Variants in STAB1 observed in about 807,000 individuals in gnomAD.
The protein encoded by STAB1 is stabilin 1.
STAB1 carries 250 observed loss-of-function variants against 332.4 expected under a neutral mutation model. That is an observed-to-expected ratio of 0.75 (90% CI 0.68 to 0.84). STAB1 has a LOEUF of 0.84. Ranked by LOEUF, STAB1 falls within the 40% of genes least tolerant of loss-of-function variation. The probability of loss-of-function intolerance (pLI) is 0.00; values close to 1 mark genes in which losing one functional copy is unlikely to be tolerated. For missense variants in STAB1, 3,249 were observed against 3,489.7 expected, an observed-to-expected ratio of 0.93 and a Z score of 1.74; for synonymous variants, 1,475 against 1,390.4, an observed-to-expected ratio of 1.06 and a Z score of -1.35.
At chr3:52,513,371 G>T (rs769253697) in intron 30 of STAB1, 130 bp downstream of exon 30, 1 of 897,906 alleles carries the variant, frequency 1.1e-6, no homozygotes, top group Non-Finnish European at 1.7e-6. Context: ...GCCCAGAGCC[G>T]GGCTCAAAGG....
At chr3:52,508,561 C>A (rs1022214897) in intron 21 of STAB1, 4 of 605,442 alleles carry the variant, frequency 6.6e-6, no homozygotes, top group African/African-American at 1.8e-5. Flanking sequence ...ATGTCTCATG[C>A]CTGTAATCCC....
At position 52,512,860 on chromosome 3, in the gene STAB1, A is replaced by G. The variant is rs1239826337; in HGVS notation, c.3060A>G (p.Arg1020=). ...GCATCACGCTTCCTGCCGACCGCCG[A>G]GTCACAGCCCTGGTGCCCTCCGAGG... ...SAGITLPADR[R]VTALVPSEAA... The change falls in exon 29 of 69, where the codon CGA becomes CGG. Residue 1020 remains arginine, a synonymous_variant. Transcript: ENST00000321725. The G allele has an allele frequency of 6.2e-7, 1 of 1,610,994 alleles. No individual in the cohort carries two copies. The highest frequency in any genetic ancestry group is 1.1e-5 in the South Asian group (1 of 91,064).
chr3:52,510,602 G>A lies in STAB1; in HGVS notation c.2787+95G>A, dbSNP rs556674106. 4.1e-6 allele frequency: 6 copies of A among 1,472,602 alleles called. No individual in the cohort carries two copies. In the African/African-American group the frequency reaches 5.6e-5, roughly 14 times the overall value. 91.2% of individuals were successfully genotyped at this position (1,472,602 alleles called of 1,614,324 possible). A position where few individuals can be genotyped will look rare whatever the true frequency, so the allele number is the denominator to read the frequency against. On this transcript the variant is annotated intron_variant, in intron 25 of 68. Transcript: ENST00000321725. ...TGGAATGCAGAGTCAGGTGCTCAGGGTCTGGAGCCTCAGGTGCAGATGAGA... is the reference window on the plus strand; with the variant it reads ...TGGAATGCAGAGTCAGGTGCTCAGGATCTGGAGCCTCAGGTGCAGATGAGA...
chr3:52,506,527 C>T (rs1461562406), intron 17 of STAB1, among the ~76,000 whole-genome samples, 165 bp from the exon 18 acceptor site: 4 of 152,346 alleles, frequency 2.6e-5, no homozygotes, highest in African/African-American at 9.6e-5. Flanking sequence ...GGAGCAGTGT[C>T]GTTGGCCAGA....
At chr3:52,499,716 G>A (rs1037069716) in intron 1 of STAB1, among the ~76,000 whole-genome samples, 1 of 150,462 alleles carries the variant, frequency 6.6e-6, no homozygotes, top group African/African-American at 2.4e-5. Flanking sequence ...CCGCTAAAAC[G>A]GTGAAACCCC....
intron 12 of STAB1, 48 bp downstream of exon 12, chr3:52,504,924 A>G (rs1435138001): frequency 6.2e-7 from 1 of 1,613,172 alleles, no homozygotes. Flanking sequence ...ACAGCCTGGC[A>G]AGGGTGTGCA....
At chr3:52,506,577 A>C in intron 17 of STAB1, 115 bp from the exon 18 acceptor site, 1 of 1,204,236 alleles carries the variant, frequency 8.3e-7, no homozygotes, top group South Asian at 1.6e-5. Context: ...CGGGGCCTTC[A>C]GCAGCTCACT....
Position 52,519,252 on chromosome 3 carries a change from C to G in STAB1, c.5035-12C>G, listed in dbSNP as rs751781448. On this transcript the variant is annotated splice_polypyrimidine_tract_variant and intron_variant, in intron 48 of 68. Coordinates refer to ENST00000321725, the MANE Select transcript of STAB1 (RefSeq NM_015136.3). ...ACCTATCTGCTTCATCAGCCCCGTG[C>G]CCCGCCCCCAGGGCAGCATATACCT... The G allele has an allele frequency of 1.9e-6, 3 of 1,608,764 alleles. No homozygotes were observed. The highest frequency in any genetic ancestry group is 1.7e-4 in the Middle Eastern group (1 of 6,028).
At chr3:52,517,778 C>T in intron 44 of STAB1, 103 bp from the exon 45 acceptor site, 1 of 1,587,064 alleles carries the variant, frequency 6.3e-7, no homozygotes, top group South Asian at 1.1e-5. Flanking sequence ...CAAATAGGAT[C>T]TGGGGGGCTG....
chr3:52,522,097 T>C lies in STAB1; in HGVS notation c.6332T>C (p.Val2111Ala), dbSNP rs2079092485. The change falls in exon 59 of 69, where the codon GTA (valine) becomes GCA (alanine). Residue 2111 changes from valine (V) to alanine (A), a missense_variant. Transcript: ENST00000321725. ...GCSEHANCSQVGTMVTCTCLP... is the reference protein window; with the variant it reads ...GCSEHANCSQAGTMVTCTCLP... The stretch of plus-strand genomic sequence containing the variant: ...AGTGAGCACGCCAACTGTAGCCAGG[T>C]AGGAACAATGGTCACTTGTACCTGC... 1 of 1,612,906 alleles carries C rather than the reference T, an allele frequency of 6.2e-7. No homozygotes were observed. Among genetic ancestry groups the C allele is most frequent in the Non-Finnish European group, 8.5e-7 (1 of 1,179,978 alleles).
chr3:52,519,213 C>T, intron 48 of STAB1, 51 bp from the exon 49 acceptor site: 1 of 1,582,940 alleles, frequency 6.3e-7, no homozygotes, highest in Non-Finnish European at 8.6e-7. Flanking sequence ...GCCCCGATAG[C>T]TTCCGAGCAC....
At chr3:52,497,370 C>T (rs573572459) in intron 1 of STAB1, among the ~76,000 whole-genome samples, 13 of 148,114 alleles carry the variant, frequency 8.8e-5, no homozygotes, top group African/African-American at 2.7e-4. Context: ...TTAAGGTATA[C>T]GGGAGGATGT....
chr3:52,510,120 C>T (rs374589367), intron 23 of STAB1, 22 bp from the exon 24 acceptor site: 1 of 1,613,744 alleles, frequency 6.2e-7, no homozygotes, highest in African/African-American at 1.3e-5. Context: ...TCACTGGAGC[C>T]CCCTCCTTCA....
At chr3:52,497,019 T>C (rs1339081071) in intron 1 of STAB1, among the ~76,000 whole-genome samples, 1 of 152,226 alleles carries the variant, frequency 6.6e-6, no homozygotes, top group African/African-American at 2.4e-5. Flanking sequence ...TTTTTTCTTT[T>C]GAGGTGGAGT....
chr3:52,508,032 CG>C lies in STAB1; in HGVS notation c.2148+7del. ...ACTGCAACCAAACCATCATGGTAAGCGTGGGCATGGGTGCCCACTCCCAGGT... is the reference window on the plus strand; with the variant it reads ...ACTGCAACCAAACCATCATGGTAAGCTGGGCATGGGTGCCCACTCCCAGGT... On this transcript the variant is annotated splice_region_variant and intron_variant, in intron 20 of 68. Transcript: ENST00000321725. 1 of 1,612,480 alleles carries C rather than the reference CG, an allele frequency of 6.2e-7. No homozygotes were observed. The highest frequency in any genetic ancestry group is 8.5e-7 in the Non-Finnish European group (1 of 1,179,488).
At chr3:52,521,773 G>T (rs1168083274) in intron 57 of STAB1, 71 bp from the exon 58 acceptor site, 1 of 1,602,846 alleles carries the variant, frequency 6.2e-7, no homozygotes, top group Non-Finnish European at 8.5e-7. Flanking sequence ...GGCACCAAGG[G>T]TGGGTGGAAC....
intron 18 of STAB1, among the ~76,000 whole-genome samples, chr3:52,507,291 C>A (rs1429170328): frequency 6.6e-6 from 1 of 152,196 alleles, no homozygotes; most frequent in South Asian, 2.1e-4. Context: ...GTGATCCGCC[C>A]ACCTCGGCCT....
Position 52,508,219 on chromosome 3 carries a change from G to A in STAB1, c.2149-54G>A, listed in dbSNP as rs1575322032. ...GGGGCCAGGGAGCAGAGGCAGCCTG[G>A]GCAGGGAGGGCATGGACCCAGATGG... On this transcript the variant is annotated intron_variant, in intron 20 of 68. Coordinates refer to ENST00000321725, the MANE Select transcript of STAB1 (RefSeq NM_015136.3). 6.5e-6 allele frequency: 10 copies of A among 1,548,026 alleles called. No homozygotes were observed. In the East Asian group the frequency reaches 2.0e-4, roughly 31 times the overall value.
chr3:52,514,523 C>T, intron 34 of STAB1, 27 bp downstream of exon 34: 1 of 1,525,918 alleles, frequency 6.6e-7, no homozygotes, highest in Non-Finnish European at 8.8e-7. Context: ...GCAAGGAGAC[C>T]CTAGCCCGGG....
Sources: gnomAD v4.1 joint callset for allele counts (sites outside exome capture counted in the v4.1 genomes callset) on GRCh38, gnomAD v4.1.1 for gene constraint, MANE v1.5 for transcripts, NCBI Gene and HGNC (gene_info 2026-07-23, HGNC 2026-07-21) for gene names.